The following PLEKHF2 variants were observed in gnomAD, a reference collection of about 807,000 sequenced individuals.
The protein encoded by PLEKHF2 is pleckstrin homology domain-containing family F member 2.
A neutral mutation model predicts 14.7 loss-of-function variants in PLEKHF2; 4 were observed. That is an observed-to-expected ratio of 0.27 (90% confidence interval 0.13 to 0.62). PLEKHF2 has a LOEUF of 0.62. Ranked by LOEUF, PLEKHF2 falls within the 20% of genes least tolerant of loss-of-function variation. The probability of loss-of-function intolerance (pLI) is 0.85; values close to 1 mark genes in which losing one functional copy is unlikely to be tolerated. For missense variants in PLEKHF2, 201 were observed against 307.7 expected, an observed-to-expected ratio of 0.65 and a Z score of 2.60; for synonymous variants, 90 against 103.5, an observed-to-expected ratio of 0.87 and a Z score of 0.79.
chr8:95,140,420 C>T lies in PLEKHF2; in HGVS notation c.-15+6390C>T, dbSNP rs1810428165. ...TCTCTTCAGTCCATCCCGTGTACTGCTTCTGTGTCTGATTAATATTTTCCT... is the reference window on the plus strand; with the variant it reads ...TCTCTTCAGTCCATCCCGTGTACTGTTTCTGTGTCTGATTAATATTTTCCT... On this transcript the variant is annotated intron_variant, in intron 1 of 1. Coordinates refer to ENST00000315367, the MANE Select transcript of PLEKHF2 (RefSeq NM_024613.4). Among the ~76,000 whole-genome samples, 3 of 152,190 alleles carry T rather than the reference C, an allele frequency of 2.0e-5. No individual in the cohort carries two copies. The South Asian group carries it at 6.2e-4, about 31-fold the overall frequency.
intron 1 of PLEKHF2, 60 bp from the exon 2 acceptor site, chr8:95,153,971 A>G (rs1474961117): frequency 1.6e-6 from 2 of 1,238,998 alleles, no homozygotes; most frequent in African/African-American, 3.1e-5. Context: ...ATTTATATAT[A>G]ATTAACTTAT....
In PLEKHF2 at chr8:95,133,804, C is replaced by T. The variant is rs538961315; in HGVS notation, c.-241C>T. The T allele has an allele frequency of 5.3e-5, 8 of 151,906 alleles. No homozygotes were observed. Among genetic ancestry groups the T allele is most frequent in the African/African-American group, 1.4e-4 (6 of 41,514 alleles). The allele number at this position is 151,906 out of a possible 1,614,324, so 9.4% of individuals were successfully genotyped here. On this transcript the variant is annotated 5_prime_UTR_variant, in exon 1 of 2. Coordinates refer to ENST00000315367, the MANE Select transcript of PLEKHF2 (RefSeq NM_024613.4). ...CAGGGGAGAGGCCAGCCCAGGCAGCCGTTGTCGGGTTCGACTGGAGGGGCG... is the reference window on the plus strand; with the variant it reads ...CAGGGGAGAGGCCAGCCCAGGCAGCTGTTGTCGGGTTCGACTGGAGGGGCG...
At chr8:95,140,620 A>G (rs138502269) in intron 1 of PLEKHF2, among the ~76,000 whole-genome samples, 1 of 152,230 alleles carries the variant, frequency 6.6e-6, no homozygotes, top group Admixed American at 6.5e-5. Context: ...CTCTGGGGGA[A>G]TAGTCTTGTG....
chr8:95,145,846 G>GC (rs1156789049), intron 1 of PLEKHF2, among the ~76,000 whole-genome samples: 1 of 152,158 alleles, frequency 6.6e-6, no homozygotes, highest in Non-Finnish European at 1.5e-5. Context: ...CTTGTCCCTT[G>GC]CAGATGGTAG....
Position 95,154,401 on chromosome 8 carries a change from A to G in PLEKHF2, c.357A>G (p.Lys119=), listed in dbSNP as rs749228400. The part of the protein sequence containing the change: ...FAVYAATATE[K]SEWMNHINKC... ...TTTATGCTGCCACTGCTACGGAGAA[A>G]TCAGAATGGATGAATCATATAAATA... The change falls in exon 2 of 2, where the codon AAA becomes AAG. Residue 119 remains lysine (K), a synonymous_variant. Transcript: ENST00000315367. This position sits in a 1 kb window ranked among gnomAD's most constrained non-coding sequence, Gnocchi z 5.6. The G allele has an allele frequency of 8.7e-6, 14 of 1,614,024 alleles. No individual in the cohort carries two copies. The highest frequency in any genetic ancestry group is 1.7e-5 in the Admixed American group (1 of 59,994).
intron 1 of PLEKHF2, among the ~76,000 whole-genome samples, 193 bp from the exon 2 acceptor site, chr8:95,153,838 G>C (rs1810587004): frequency 6.6e-6 from 1 of 152,074 alleles, no homozygotes; most frequent in African/African-American, 2.4e-5. Context: ...TGATAAATAA[G>C]TGTTTTTCAT....
chr8:95,136,243 A>G (rs886636105), intron 1 of PLEKHF2, among the ~76,000 whole-genome samples: 2 of 152,062 alleles, frequency 1.3e-5, no homozygotes, highest in Admixed American at 6.6e-5. Context: ...TGTAAATTCC[A>G]TGAGCATCAT....
chr8:95,143,359 A>C (rs542408931), intron 1 of PLEKHF2, among the ~76,000 whole-genome samples: 1 of 152,284 alleles, frequency 6.6e-6, no homozygotes, highest in South Asian at 2.1e-4. Flanking sequence ...TCGGCCTCCC[A>C]AAGTGCTGGG....
At chr8:95,134,268 C>G (rs1209443416) in intron 1 of PLEKHF2, 1 of 149,208 alleles carries the variant, frequency 6.7e-6, no homozygotes, top group South Asian at 1.9e-4. Flanking sequence ...TCCCGCCAGC[C>G]CGGGAGCGAG....
intron 1 of PLEKHF2, among the ~76,000 whole-genome samples, chr8:95,148,275 A>T (rs1004135004): frequency 6.6e-6 from 1 of 152,006 alleles, no homozygotes; most frequent in Non-Finnish European, 1.5e-5. Flanking sequence ...AAAGACAAAA[A>T]GTATTTTCGA....
Position 95,146,811 on chromosome 8 carries a change from T to TAA in PLEKHF2, c.-14-7210_-14-7209dup, listed in dbSNP as rs1039578051. Among the ~76,000 whole-genome samples the TAA allele has an allele frequency of 8.7e-3, 1,258 of 144,510 alleles. 20 individuals are homozygous for TAA. The highest frequency in any genetic ancestry group is 0.03 in the African/African-American group (1,200 of 39,600). 94.8% of individuals were successfully genotyped at this position (144,510 alleles called of 152,430 possible). ...GGCACTGCTGGAAAAGAAGACAACGTAAAAAAAAAAAGTCAAATGGAAAAC... is the reference window on the plus strand; with the variant it reads ...GGCACTGCTGGAAAAGAAGACAACGTAAAAAAAAAAAAAGTCAAATGGAAAAC... On this transcript the variant is annotated intron_variant, in intron 1 of 1. Transcript: ENST00000315367.
intron 1 of PLEKHF2, among the ~76,000 whole-genome samples, chr8:95,142,930 G>T (rs971899992): frequency 3.3e-5 from 5 of 152,102 alleles, no homozygotes; most frequent in Non-Finnish European, 7.3e-5. Flanking sequence ...TAATATAGAT[G>T]TTAAAAATGA....
intron 1 of PLEKHF2, among the ~76,000 whole-genome samples, chr8:95,138,331 C>T: frequency 7.1e-6 from 1 of 140,094 alleles, no homozygotes. Flanking sequence ...CTATTTTCTT[C>T]TTTGCACCAA....
chr8:95,146,539 A>C (rs1239613376), intron 1 of PLEKHF2, among the ~76,000 whole-genome samples: 1 of 142,584 alleles, frequency 7.0e-6, no homozygotes, highest in African/African-American at 2.6e-5. Flanking sequence ...AGAATTTTTT[A>C]TCTTCTAGTA....
intron 1 of PLEKHF2, among the ~76,000 whole-genome samples, chr8:95,150,427 TA>T (rs35209391): frequency 0.15 from 23,503 of 152,138 alleles, 2,009 homozygotes; most frequent in Non-Finnish European, 0.18. Flanking sequence ...TAAATGAAGA[TA>T]AAAGAATGCA....
intron 1 of PLEKHF2, among the ~76,000 whole-genome samples, chr8:95,142,263 T>C (rs903436097): frequency 6.6e-6 from 1 of 152,118 alleles, no homozygotes; most frequent in African/African-American, 2.4e-5. Context: ...AATTAATTAA[T>C]TTTTTTCTTG....
intron 1 of PLEKHF2, among the ~76,000 whole-genome samples, chr8:95,136,985 A>T (rs187782601): frequency 1.6e-3 from 240 of 152,342 alleles, no homozygotes; most frequent in Non-Finnish European, 2.0e-3. Context: ...CCACAAACTA[A>T]TGTGCTCAAT....
intron 1 of PLEKHF2, among the ~76,000 whole-genome samples, chr8:95,136,427 G>A (rs965159790): frequency 6.6e-6 from 1 of 151,534 alleles, no homozygotes; most frequent in East Asian, 1.9e-4. Flanking sequence ...GTGAATTTTC[G>A]CCTGGGGGTA....
In PLEKHF2 at chr8:95,154,753, G is replaced by A. The variant is rs768325893; in HGVS notation, c.709G>A (p.Asp237Asn). The change falls in exon 2 of 2, where the codon GAT (aspartate) becomes AAT (asparagine). Residue 237 changes from aspartate (D) to asparagine (N), a missense_variant. By Grantham distance (23) the Asp-to-Asn change is conservative. Coordinates refer to ENST00000315367, the MANE Select transcript of PLEKHF2 (RefSeq NM_024613.4). The surrounding 1 kb of genome is among the most constrained non-coding windows in gnomAD (Gnocchi z 5.6). ...YSQSLKSPLNDMSDDDDDDDS... is the reference protein window; with the variant it reads ...YSQSLKSPLNNMSDDDDDDDS... Reference sequence around the variant, plus strand: ...CCAGTCATTGAAGTCTCCTTTAAATGATATGTCTGATGATGATGACGATGA... The same window carrying A: ...CCAGTCATTGAAGTCTCCTTTAAATAATATGTCTGATGATGATGACGATGA... 1.2e-6 allele frequency: 2 copies of A among 1,613,962 alleles called. No individual in the cohort carries two copies. The highest frequency in any genetic ancestry group is 2.7e-5 in the African/African-American group (2 of 74,900).
Sources: allele counts gnomAD v4.1 joint callset (sites outside exome capture counted in the v4.1 genomes callset), GRCh38; gene constraint gnomAD v4.1.1; non-coding constraint Gnocchi (gnomAD v3.1); transcripts MANE v1.5; gene names NCBI Gene and HGNC (gene_info 2026-07-23, HGNC 2026-07-21).